The following TMPRSS15 variants were observed in gnomAD, a reference collection of about 807,000 sequenced individuals.
TMPRSS15 encodes transmembrane serine protease 15, also known as enteropeptidase.
In TMPRSS15, 128 loss-of-function variants were observed where a neutral mutation model predicts 125.3. The ratio of observed to expected loss-of-function variants is 1.02; its 90% confidence interval spans 0.89 to 1.18. The LOEUF (loss-of-function observed/expected upper bound fraction) is 1.18. Ranked by LOEUF, TMPRSS15 falls within the 50% of genes most tolerant of loss-of-function variation. The pLI is 0.00. For synonymous variants in TMPRSS15, 446 were observed against 423.2 expected (o/e 1.05, Z -0.66); for missense variants, 1,283 against 1,212.7 (o/e 1.06, Z -0.86).
intron 16 of TMPRSS15, among the ~76,000 whole-genome samples, chr21:18,316,024 A>AAT (rs3077991): frequency 6.3e-5 from 9 of 142,964 alleles, no homozygotes; most frequent in South Asian, 2.2e-4. Flanking sequence ...AGTATAATAA[A>AAT]ATATATATAT....
chr21:18,329,519 T>A (rs7364052), intron 14 of TMPRSS15, among the ~76,000 whole-genome samples: 1 of 151,672 alleles, frequency 6.6e-6, no homozygotes. Context: ...TCAATTAAAT[T>A]TGAAATTAGT....
chr21:18,435,219 G>A (rs1203256682), intron 1 of TMPRSS15, among the ~76,000 whole-genome samples: 1 of 152,130 alleles, frequency 6.6e-6, no homozygotes, highest in Non-Finnish European at 1.5e-5. Flanking sequence ...AGTTTTCAAA[G>A]GGAATGCTTC....
At chr21:18,350,339 T>C (rs2075553568) in intron 10 of TMPRSS15, among the ~76,000 whole-genome samples, 1 of 152,216 alleles carries the variant, frequency 6.6e-6, no homozygotes, top group Admixed American at 6.6e-5. Context: ...ACATTTTTTA[T>C]GTGAAGGCCC....
intron 8 of TMPRSS15, 58 bp downstream of exon 8, chr21:18,359,699 A>C: frequency 1.2e-6 from 1 of 851,250 alleles, no homozygotes; most frequent in Non-Finnish European, 2.0e-6. Context: ...ATACCACTCC[A>C]AAAATTTACC....
chr21:18,378,722 G>T (rs979903852), intron 5 of TMPRSS15, among the ~76,000 whole-genome samples: 6 of 151,968 alleles, frequency 3.9e-5, no homozygotes, highest in Admixed American at 1.3e-4. Context: ...ACCAGAGAAG[G>T]TATTTTAGCT....
chr21:18,301,955 A>G (rs1453584258), intron 18 of TMPRSS15, among the ~76,000 whole-genome samples: 1 of 152,180 alleles, frequency 6.6e-6, no homozygotes, highest in Non-Finnish European at 1.5e-5. Flanking sequence ...TCTAGGGAGT[A>G]AAAAAGGATA....
intron 16 of TMPRSS15, among the ~76,000 whole-genome samples, chr21:18,322,581 T>G (rs1048508795): frequency 1.3e-5 from 2 of 152,118 alleles, no homozygotes; most frequent in African/African-American, 4.8e-5. Context: ...TGCAACAACA[T>G]GGAGGAAACT....
At position 18,471,477 on chromosome 21, in the gene TMPRSS15, A is replaced by C. The variant is rs76911357; in HGVS notation, c.10+14322T>G. Among the ~76,000 whole-genome samples the C allele has an allele frequency of 3.4e-4, 9 of 26,746 alleles. No homozygotes were observed. The East Asian group carries it at 0.11, about 326-fold the overall frequency. The allele number at this position is 26,746 out of a possible 152,430, so 17.5% of individuals were successfully genotyped here. A position where few individuals can be genotyped will look rare whatever the true frequency, so the allele number is the denominator to read the frequency against. On this transcript the variant is annotated intron_variant, in intron 1 of 7. Coordinates refer to the TMPRSS15 transcript ENST00000422787. ...CTGTCTTCTTAATCTTTCAGTTTTG[A>C]AAAAAAAAAACAGCATAATATGGTG...
At chr21:18,471,759 G>A (rs1428129989) in intron 1 of TMPRSS15, among the ~76,000 whole-genome samples, 1 of 152,104 alleles carries the variant, frequency 6.6e-6, no homozygotes, top group Non-Finnish European at 1.5e-5. Flanking sequence ...GCAAAAAGTT[G>A]TCTGCTCCTG....
intron 8 of TMPRSS15, among the ~76,000 whole-genome samples, chr21:18,354,560 T>A (rs1319331844): frequency 6.6e-6 from 1 of 151,532 alleles, no homozygotes; most frequent in African/African-American, 2.4e-5. Flanking sequence ...TCAAAGGGGG[T>A]GGTCTTGCCT....
chr21:18,485,800 G>T (rs1740176), exon 1 of TMPRSS15: 7,384 of 163,576 alleles, frequency 0.045, 501 homozygotes, highest in African/African-American at 0.15. Context: ...TTGACTCACA[G>T]TTCCACATGG....
chr21:18,414,823 A>G (rs2123178950), intron 1 of TMPRSS15, among the ~76,000 whole-genome samples: 1 of 152,336 alleles, frequency 6.6e-6, no homozygotes, highest in African/African-American at 2.4e-5. Context: ...AACGTGGGAC[A>G]GAGATGCAGA....
In TMPRSS15 at chr21:18,312,944, C is replaced by T. The variant is rs753687052; in HGVS notation, c.2165+1G>A. ...AAAAGGAACTCAGTAGAATTACTTA[C>T]CCTAGTCCCAGCAGTTGACAAACAT... On this transcript the variant is annotated splice_donor_variant, in intron 18 of 24. Transcript: ENST00000284885. LOFTEE classifies it high-confidence loss of function. 8 of 1,613,392 alleles carry T rather than the reference C, an allele frequency of 5.0e-6. No homozygotes were observed. Among genetic ancestry groups the T allele is most frequent in the Admixed American group, 1.7e-5 (1 of 59,976 alleles).
In TMPRSS15 at chr21:18,314,602, A is replaced by AT. The variant is rs549317489; in HGVS notation, c.2032+543dup. ...CAGCTATACCTAATTCTTGTTGTGG[A>AT]TTTTTTTTTTAACTTAGTTACAGTG... is the stretch of plus-strand genomic sequence containing the variant. On this transcript the variant is annotated intron_variant, in intron 17 of 24. Coordinates refer to ENST00000284885, the MANE Select transcript of TMPRSS15 (RefSeq NM_002772.3). Among the ~76,000 whole-genome samples, 148 of 150,354 alleles carry AT rather than the reference A, an allele frequency of 9.8e-4. 1 individual carries two copies. The highest frequency in any genetic ancestry group is 7.2e-3 in the East Asian group (37 of 5,160).
chr21:18,380,859 T>A (rs1053826854), intron 4 of TMPRSS15, among the ~76,000 whole-genome samples: 9 of 152,166 alleles, frequency 5.9e-5, no homozygotes, highest in African/African-American at 2.2e-4. Flanking sequence ...TTAATCATAG[T>A]TCTATAGAAT....
upstream of TMPRSS15, among the ~76,000 whole-genome samples, chr21:18,406,581 T>C (rs556143042): frequency 1.3e-5 from 2 of 152,100 alleles, no homozygotes; most frequent in Non-Finnish European, 2.9e-5. Flanking sequence ...CTATAGGTGG[T>C]CAATGTTAGT....
chr21:18,446,289 A>C (rs905277139), intron 1 of TMPRSS15, among the ~76,000 whole-genome samples: 2 of 152,174 alleles, frequency 1.3e-5, no homozygotes, highest in Non-Finnish European at 2.9e-5. Context: ...ATAAAACACT[A>C]ATGAAAGAAA....
intron 21 of TMPRSS15, among the ~76,000 whole-genome samples, chr21:18,291,345 T>C (rs2074831359): frequency 6.6e-6 from 1 of 152,198 alleles, no homozygotes; most frequent in Admixed American, 6.5e-5. Flanking sequence ...TTTAAGGTTG[T>C]GAAAGGACAA....
intron 20 of TMPRSS15, 30 bp downstream of exon 20, chr21:18,294,573 G>T: frequency 6.2e-7 from 1 of 1,606,820 alleles, no homozygotes; most frequent in Non-Finnish European, 8.5e-7. Flanking sequence ...CAGAATGCTT[G>T]AAGTGGGATA....
Sources: gnomAD v4.1 joint callset for allele counts (sites outside exome capture counted in the v4.1 genomes callset) on GRCh38, gnomAD v4.1.1 for gene constraint, MANE v1.5 for transcripts, NCBI Gene and HGNC (gene_info 2026-07-23, HGNC 2026-07-21) for gene names.